UBR3: variants seen among roughly 807,000 people sequenced by gnomAD.
UBR3 encodes ubiquitin protein ligase E3 component n-recognin 3.
In UBR3, 85 loss-of-function variants were observed where a neutral mutation model predicts 243.2. The ratio of observed to expected loss-of-function variants is 0.35; its 90% CI spans 0.29 to 0.42. UBR3 has a LOEUF of 0.42. UBR3 is among the 10% of genes least tolerant of loss of function. UBR3 has a pLI of 1.00. For missense variants in UBR3, 1,686 were observed against 2,300.8 expected (o/e 0.73, Z 5.47); for synonymous variants, 748 against 799.8 (o/e 0.94, Z 1.09).
chr2:170,013,983 A>G (rs542912745), intron 29 of UBR3: 25 of 466,776 alleles, frequency 5.4e-5, no homozygotes, highest in Non-Finnish European at 1.1e-4. Context: ...GTAGGTTTTT[A>G]GAAGTTCAGT....
chr2:169,866,776 G>A (rs2083280101), intron 1 of UBR3, among the ~76,000 whole-genome samples: 1 of 152,072 alleles, frequency 6.6e-6, no homozygotes, highest in Non-Finnish European at 1.5e-5. Context: ...TATTTGGATG[G>A]GACACAGAGG....
chr2:170,020,438 A>G (rs1300931746), intron 30 of UBR3, among the ~76,000 whole-genome samples: 6 of 152,208 alleles, frequency 3.9e-5, no homozygotes, highest in Admixed American at 3.9e-4. Flanking sequence ...TATGTGGTGG[A>G]ATAGACAACA....
chr2:169,829,154 A>G (rs2081843768), intron 1 of UBR3, among the ~76,000 whole-genome samples: 1 of 152,154 alleles, frequency 6.6e-6, no homozygotes, highest in African/African-American at 2.4e-5. Flanking sequence ...TTTTCTTCGG[A>G]GTACTTGTAA....
chr2:169,977,254 G>C (rs1291688221), intron 24 of UBR3, among the ~76,000 whole-genome samples: 1 of 152,118 alleles, frequency 6.6e-6, no homozygotes, highest in Non-Finnish European at 1.5e-5. Context: ...TTACTAGAGA[G>C]ATACGAAGTT....
chr2:169,956,906 A>AATATATTATAT (rs549578778), intron 23 of UBR3, among the ~76,000 whole-genome samples: 275 of 152,308 alleles, frequency 1.8e-3, no homozygotes, highest in African/African-American at 6.3e-3. Flanking sequence ...TGACTTCTAT[A>AATATATTATAT]CTGTATAGAT....
At chr2:169,835,049 TAC>T (rs1574001454) in intron 1 of UBR3, among the ~76,000 whole-genome samples, 1 of 152,114 alleles carries the variant, frequency 6.6e-6, no homozygotes, top group South Asian at 2.1e-4. Flanking sequence ...TTTTAACAGG[TAC>T]AGAGTTTCAG....
chr2:170,029,521 T>G, intron 31 of UBR3, 73 bp downstream of exon 31: 1 of 1,187,034 alleles, frequency 8.4e-7, no homozygotes, highest in Middle Eastern at 2.4e-4. Context: ...AAAAATGGAA[T>G]TGAAATTTCA....
Position 170,073,624 on chromosome 2 carries a change from G to A in UBR3, c.5199+17G>A, listed in dbSNP as rs770669173. The A allele has an allele frequency of 6.2e-7, 1 of 1,608,558 alleles. No homozygotes were observed. On this transcript the variant is annotated intron_variant, in intron 36 of 38. Transcript: ENST00000272793. ...CAAGGAAAGGTATGTTAAAAGAGTT[G>A]TACTAGCTTGTCACGGTGGTGATAT...
chr2:169,969,613 A>C (rs528648590), intron 24 of UBR3, among the ~76,000 whole-genome samples: 6 of 150,246 alleles, frequency 4.0e-5, no homozygotes, highest in Non-Finnish European at 8.8e-5. Context: ...CAGTGGTGCA[A>C]TCTCGGCTCA....
At chr2:170,072,774 G>A (rs1156769712) in intron 35 of UBR3, among the ~76,000 whole-genome samples, 2 of 152,082 alleles carry the variant, frequency 1.3e-5, no homozygotes, top group Non-Finnish European at 2.9e-5. Context: ...AGACACATTA[G>A]CTTCCTATGT....
chr2:170,004,576 G>T (rs1347401148), intron 27 of UBR3, among the ~76,000 whole-genome samples: 1 of 152,128 alleles, frequency 6.6e-6, no homozygotes, highest in Non-Finnish European at 1.5e-5. Context: ...GGCAGGGGTG[G>T]GGAAGGTGAG....
chr2:169,853,622 G>A (rs908816560), intron 1 of UBR3, among the ~76,000 whole-genome samples: 3 of 151,676 alleles, frequency 2.0e-5, no homozygotes, highest in Admixed American at 2.0e-4. Flanking sequence ...GGCTATTTTT[G>A]TATTTTTAGG....
At chr2:169,901,845 T>G (rs2084834985) in intron 8 of UBR3, among the ~76,000 whole-genome samples, 1 of 152,226 alleles carries the variant, frequency 6.6e-6, no homozygotes, top group African/African-American at 2.4e-5. Context: ...TTTGAAACAG[T>G]CTTTGTAAAG....
chr2:169,842,821 CAGTG>C (rs1186003723), intron 1 of UBR3, among the ~76,000 whole-genome samples: 1 of 152,214 alleles, frequency 6.6e-6, no homozygotes, highest in East Asian at 1.9e-4. Context: ...TTCTTGAAGT[CAGTG>C]AGACCAAGAA....
In UBR3 at chr2:169,883,822, T is replaced by G. The variant is rs543055886; in HGVS notation, c.1038+5248T>G. On this transcript the variant is annotated intron_variant, in intron 5 of 38. Coordinates refer to ENST00000272793, the MANE Select transcript of UBR3 (RefSeq NM_172070.4). ...TACATCAAGAGAATAAAAACTTATATTTAGATTATAAGGTTATTTTATTTA... is the reference window on the plus strand; with the variant it reads ...TACATCAAGAGAATAAAAACTTATAGTTAGATTATAAGGTTATTTTATTTA... 2.6e-5 allele frequency among the ~76,000 whole-genome samples: 4 copies of G among 152,272 alleles called. No individual in the cohort carries two copies. The South Asian group carries it at 8.3e-4, about 32-fold the overall frequency.
chr2:169,952,839 A>G (rs1375336542), intron 23 of UBR3, among the ~76,000 whole-genome samples: 1 of 152,198 alleles, frequency 6.6e-6, no homozygotes, highest in Non-Finnish European at 1.5e-5. Context: ...TCAGTAACAT[A>G]TAATTCAGAT....
rs16857501 is a variant in UBR3 at position 170,037,024 on chromosome 2, T to C, written c.4557-3858T>C. Among the ~76,000 whole-genome samples, 1,006 of 152,270 alleles carry C rather than the reference T, an allele frequency of 6.6e-3. 10 individuals carry two copies. The highest frequency in any genetic ancestry group is 0.031 in the Middle Eastern group (9 of 294). ...ACTTTAGAGTTTTCTCATGGGATGA[T>C]TTTTAAAACTATATAACGTACTTGG... On this transcript the variant is annotated intron_variant, in intron 31 of 38. Coordinates refer to ENST00000272793, the MANE Select transcript of UBR3 (RefSeq NM_172070.4).
intron 31 of UBR3, among the ~76,000 whole-genome samples, chr2:170,033,435 A>G (rs2090732797): frequency 6.6e-6 from 1 of 151,950 alleles, no homozygotes; most frequent in Non-Finnish European, 1.5e-5. Flanking sequence ...ATCTTTAGGC[A>G]CACATAGCTG....
At chr2:169,828,916 GT>G (rs1324216320) in intron 1 of UBR3, among the ~76,000 whole-genome samples, 1 of 152,204 alleles carries the variant, frequency 6.6e-6, no homozygotes, top group East Asian at 1.9e-4. Flanking sequence ...ACATTTCAGA[GT>G]TTGCAGTGAG....
Sources: gnomAD v4.1 joint callset for allele counts (sites outside exome capture counted in the v4.1 genomes callset) on GRCh38, gnomAD v4.1.1 for gene constraint, MANE v1.5 for transcripts, NCBI Gene and HGNC (gene_info 2026-07-23, HGNC 2026-07-21) for gene names.